LAMA3: variants seen among roughly 807,000 people sequenced by gnomAD.
LAMA3 encodes the protein laminin subunit alpha-3.
A neutral mutation model predicts 402.0 loss-of-function variants in LAMA3; 281 were observed. The observed-to-expected ratio is 0.70, with a 90% CI of 0.63 to 0.77. The LOEUF is 0.77. Among genes scored for constraint, LAMA3 ranks in the 30% least tolerant of loss-of-function variants. LAMA3 has a pLI of 0.00. For missense variants in LAMA3, 3,840 were observed against 4,215.5 expected, an observed-to-expected ratio of 0.91 and a Z score of 2.47; for synonymous variants, 1,431 against 1,558.4, an observed-to-expected ratio of 0.92 and a Z score of 1.93.
chr18:23,820,267 T>C (rs1461084737), intron 19 of LAMA3, among the ~76,000 whole-genome samples: 1 of 152,134 alleles, frequency 6.6e-6, no homozygotes, highest in Non-Finnish European at 1.5e-5. Flanking sequence ...TAAAGAAAAA[T>C]AGTGTTTATC....
intron 12 of LAMA3, among the ~76,000 whole-genome samples, chr18:23,797,572 G>A (rs1407695789): frequency 2.6e-5 from 4 of 152,128 alleles, no homozygotes; most frequent in Non-Finnish European, 5.9e-5. Context: ...AAAATTAGCT[G>A]GGCGTGGTGG....
intron 1 of LAMA3, among the ~76,000 whole-genome samples, chr18:23,701,246 A>T (rs2060784906): frequency 6.6e-6 from 1 of 152,220 alleles, no homozygotes; most frequent in Non-Finnish European, 1.5e-5. Flanking sequence ...GAAGGTGAGT[A>T]CCTGAGAAGT....
At chr18:23,911,446 A>G (rs1279670722) in intron 55 of LAMA3, among the ~76,000 whole-genome samples, 1 of 152,186 alleles carries the variant, frequency 6.6e-6, no homozygotes, top group Admixed American at 6.5e-5. Context: ...AGTTTAGAGT[A>G]AATGTTTGGA....
intron 2 of LAMA3, among the ~76,000 whole-genome samples, chr18:23,730,189 T>G (rs567902520): frequency 6.6e-6 from 1 of 152,282 alleles, no homozygotes; most frequent in East Asian, 1.9e-4. Context: ...CACAGCTTCA[T>G]GGCCTGCATT....
intron 37 of LAMA3, among the ~76,000 whole-genome samples, chr18:23,869,152 G>T (rs1020078352): frequency 6.6e-6 from 1 of 152,166 alleles, no homozygotes; most frequent in African/African-American, 2.4e-5. Context: ...GGGAAAAAAA[G>T]TTCAGAATCA....
chr18:23,912,852 A>G lies in LAMA3; in HGVS notation c.7300A>G (p.Met2434Val), dbSNP rs751620655. 2 of 1,613,884 alleles carry G rather than the reference A, an allele frequency of 1.2e-6. No homozygotes were observed. Among genetic ancestry groups the G allele is most frequent in the African/African-American group, 2.7e-5 (2 of 74,940 alleles). Residue 2434 changes from methionine to valine, a missense_variant, in exon 56 of 75, where the codon ATG (methionine) becomes GTG (valine). Around this residue, in one of 3 missense-constraint regions of LAMA3, gnomAD observed 891 missense variants for 857.5 expected, o/e 1.04. Transcript: ENST00000313654. The part of the protein sequence containing the change: ...NSRENGGTEN[M>V]FVMYLGNKDA... Reference sequence around the variant, plus strand: ...AAGAGAAAATGGGGGTACTGAGAATATGTTTGTGATGTACCTTGGAAATAA... The same window carrying G: ...AAGAGAAAATGGGGGTACTGAGAATGTGTTTGTGATGTACCTTGGAAATAA...
At chr18:23,857,811 T>A (rs200745937) in intron 32 of LAMA3, 33 bp from the exon 33 acceptor site, 481 of 1,614,012 alleles carry the variant, frequency 3.0e-4, no homozygotes, top group Middle Eastern at 4.9e-4. Flanking sequence ...TGTACAAAGA[T>A]GATGATTTTT....
At position 23,717,500 on chromosome 18, in the gene LAMA3, C is replaced by T. The variant is rs187045343; in HGVS notation, c.447+3428C>T. ...TGTTTTTCATTGTTATTTTTTTGGC[C>T]AATAAGTTTGACAAATAAAAACATT... On this transcript the variant is annotated intron_variant, in intron 2 of 74. Transcript: ENST00000313654. 2.7e-5 allele frequency among the ~76,000 whole-genome samples: 4 copies of T among 148,426 alleles called. 1 individual carries two copies. Among genetic ancestry groups the T allele is most frequent in the Admixed American group, 2.0e-4 (3 of 14,904 alleles).
chr18:23,884,132 G>A (rs1223003275), intron 40 of LAMA3, among the ~76,000 whole-genome samples: 2 of 148,628 alleles, frequency 1.3e-5, no homozygotes, highest in African/African-American at 2.5e-5. Context: ...ATCACTTATT[G>A]CTTCTCAGCC....
chr18:23,912,527 T>C (rs1013275872), intron 55 of LAMA3, among the ~76,000 whole-genome samples, 184 bp from the exon 56 acceptor site: 1 of 152,202 alleles, frequency 6.6e-6, no homozygotes, highest in African/African-American at 2.4e-5. Flanking sequence ...AACAGCTTCA[T>C]GAGTTTATAA....
At position 23,946,193 on chromosome 18, in the gene LAMA3, T is replaced by C; in HGVS notation, c.9260T>C (p.Leu3087Pro). Residue 3087 changes from leucine to proline, a missense_variant, in exon 70 of 75, where the codon CTG becomes CCG. Physicochemically the swap from Leu to Pro is moderately conservative, Grantham distance 98 (BLOSUM62 -3). Around this residue, in one of 3 missense-constraint regions of LAMA3, gnomAD observed 840 missense variants for 981.9 expected, o/e 0.86. Coordinates refer to ENST00000313654, the MANE Select transcript of LAMA3 (RefSeq NM_198129.4). ...GEKGRLVVDG[L>P]RAREGSLPGN... ...AAGGGGCGCTTGGTTGTGGATGGAC[T>C]GAGGGCCCGGGAGGGAAGTTTGCCT... The C allele has an allele frequency of 6.2e-7, 1 of 1,614,122 alleles. No individual in the cohort carries two copies. The highest frequency in any genetic ancestry group is 8.5e-7 in the Non-Finnish European group (1 of 1,179,982).
chr18:23,817,769 G>C (rs1235633792), intron 18 of LAMA3, among the ~76,000 whole-genome samples: 1 of 152,076 alleles, frequency 6.6e-6, no homozygotes, highest in Non-Finnish European at 1.5e-5. Context: ...TCAGTTGGGG[G>C]CTTGGAGTAA....
chr18:23,885,535 C>T (rs2065047190), intron 41 of LAMA3, among the ~76,000 whole-genome samples: 1 of 151,978 alleles, frequency 6.6e-6, no homozygotes, highest in African/African-American at 2.4e-5. Context: ...TGACAAAGGG[C>T]TGCAGAACCA....
intron 62 of LAMA3, among the ~76,000 whole-genome samples, chr18:23,927,646 A>G (rs926527083): frequency 1.3e-5 from 2 of 152,228 alleles, no homozygotes; most frequent in Non-Finnish European, 2.9e-5. Context: ...TTCTGACTTT[A>G]CAGTGGCTAA....
intron 4 of LAMA3, among the ~76,000 whole-genome samples, chr18:23,750,524 A>C (rs1191968479): frequency 9.5e-6 from 1 of 105,558 alleles, no homozygotes; most frequent in African/African-American, 3.7e-5. Flanking sequence ...CCTCATGTAG[A>C]TTTTTGGGTT....
At chr18:23,737,292 T>G (rs1051992318) in intron 2 of LAMA3, among the ~76,000 whole-genome samples, 1 of 152,128 alleles carries the variant, frequency 6.6e-6, no homozygotes, top group Non-Finnish European at 1.5e-5. Flanking sequence ...GACATTCCAA[T>G]CAAGTCACCT....
At chr18:23,725,460 C>CA (rs2061283863) in intron 2 of LAMA3, among the ~76,000 whole-genome samples, 1 of 152,192 alleles carries the variant, frequency 6.6e-6, no homozygotes, top group South Asian at 2.1e-4. Context: ...AGGAGGGTGC[C>CA]ATGCTGTGTC....
intron 10 of LAMA3, among the ~76,000 whole-genome samples, chr18:23,776,505 A>C (rs766695769): frequency 6.6e-6 from 1 of 152,236 alleles, no homozygotes; most frequent in Non-Finnish European, 1.5e-5. Flanking sequence ...TTTGTTGTGC[A>C]GCAGTGAGAA....
intron 12 of LAMA3, among the ~76,000 whole-genome samples, chr18:23,807,546 A>G (rs1447720937): frequency 6.6e-6 from 1 of 151,866 alleles, no homozygotes; most frequent in Non-Finnish European, 1.5e-5. Flanking sequence ...GACTTGATTC[A>G]CACAGTTGTA....
Sources: allele counts gnomAD v4.1 joint callset (sites outside exome capture counted in the v4.1 genomes callset), GRCh38; gene constraint gnomAD v4.1.1; regional missense constraint gnomAD v4.1.1; transcripts MANE v1.5; gene names NCBI Gene and HGNC (gene_info 2026-07-23, HGNC 2026-07-21).